TRPM6: variants seen among roughly 807,000 people sequenced by gnomAD.
TRPM6 encodes transient receptor potential cation channel subfamily M member 6.
In TRPM6, 111 loss-of-function variants were observed where a neutral mutation model predicts 247.6. The ratio of observed to expected loss-of-function variants is 0.45; its 90% CI spans 0.38 to 0.52. The LOEUF (loss-of-function observed/expected upper bound fraction) is 0.52, where lower values mean the gene tolerates loss of function less well. Ranked by LOEUF, TRPM6 falls within the 20% of genes least tolerant of loss-of-function variation. TRPM6 has a pLI of 0.00. For synonymous variants in TRPM6, 892 were observed against 853.8 expected (o/e 1.04, Z -0.78); for missense variants, 2,126 against 2,421.5 (o/e 0.88, Z 2.56).
At chr9:74,745,469 G>A (rs1826012293) in intron 31 of TRPM6, among the ~76,000 whole-genome samples, 1 of 141,408 alleles carries the variant, frequency 7.1e-6, no homozygotes, top group Admixed American at 6.7e-5. Context: ...GTGCGTGTGT[G>A]TGTGTGTGTG....
At position 74,788,674 on chromosome 9, in the gene TRPM6, G is replaced by A. The variant is rs752528197; in HGVS notation, c.2607C>T (p.Ser869=). 27 of 1,613,926 alleles carry A rather than the reference G, an allele frequency of 1.7e-5. No individual in the cohort carries two copies. Among genetic ancestry groups the A allele is most frequent in the East Asian group, 2.2e-5 (1 of 44,882 alleles). ...AAATGCTAACAAGCCACTCCTGCAC[G>A]CTGGGCTGGGGCTGCATCTCCACCA... is the stretch of plus-strand genomic sequence containing the variant. ...TVLVEMQPQP[S]VQEWLVSIYI... is the part of the protein sequence containing the mutation. The change falls in exon 20 of 39, where the codon AGC becomes AGT. Residue 869 remains serine (S), a synonymous_variant. Transcript: ENST00000360774.
intron 1 of TRPM6, among the ~76,000 whole-genome samples, chr9:74,863,996 A>C (rs1830770030): frequency 6.6e-6 from 1 of 152,150 alleles, no homozygotes; most frequent in Admixed American, 6.5e-5. Context: ...ACCTTAAAAA[A>C]AATCTATCAT....
At chr9:74,883,533 T>C (rs1369849763) in intron 1 of TRPM6, among the ~76,000 whole-genome samples, 3 of 152,184 alleles carry the variant, frequency 2.0e-5, no homozygotes, top group African/African-American at 7.2e-5. Flanking sequence ...ACTCGGTCAG[T>C]ATTTGTGACT....
At chr9:74,728,125 A>G (rs1043477846) in intron 38 of TRPM6, 114 bp downstream of exon 38, 11 of 858,044 alleles carry the variant, frequency 1.3e-5, no homozygotes, top group Admixed American at 4.0e-5. Context: ...GGCTCTGCGA[A>G]TGACGGTGAA....
intron 6 of TRPM6, among the ~76,000 whole-genome samples, chr9:74,832,948 G>T (rs1392349037): frequency 6.6e-6 from 1 of 152,098 alleles, no homozygotes; most frequent in East Asian, 1.9e-4. Flanking sequence ...CTACTTGGGA[G>T]GCTAAGGCAA....
At chr9:74,813,675 C>A (rs184481911) in intron 11 of TRPM6, among the ~76,000 whole-genome samples, 1 of 152,070 alleles carries the variant, frequency 6.6e-6, no homozygotes, top group African/African-American at 2.4e-5. Context: ...GTTTTTTATC[C>A]GCTACACTTA....
chr9:74,887,848 T>C lies in TRPM6; in HGVS notation c.9A>G (p.Glu3=). MK[E]QPVLERLQSQ... ...CCTGCAAGCGCTCCAAGACAGGTTGTTCTTTCATCTTTGATTTGCAGGCCC... is the reference window on the plus strand; with the variant it reads ...CCTGCAAGCGCTCCAAGACAGGTTGCTCTTTCATCTTTGATTTGCAGGCCC... The change falls in exon 1 of 39, where the codon GAA becomes GAG. Residue 3 remains glutamate (E), a synonymous_variant. Coordinates refer to ENST00000360774, the MANE Select transcript of TRPM6 (RefSeq NM_017662.5). 6.2e-7 allele frequency: 1 copy of C among 1,614,136 alleles called. No homozygotes were observed. The highest frequency in any genetic ancestry group is 8.5e-7 in the Non-Finnish European group (1 of 1,180,022).
chr9:74,878,526 T>G (rs1046954603), intron 1 of TRPM6, among the ~76,000 whole-genome samples: 2 of 152,208 alleles, frequency 1.3e-5, no homozygotes, highest in African/African-American at 4.8e-5. Flanking sequence ...ACACTGTTTA[T>G]AGCTGAAGAA....
chr9:74,813,719 A>G (rs1220652418), intron 11 of TRPM6, among the ~76,000 whole-genome samples: 1 of 152,230 alleles, frequency 6.6e-6, no homozygotes, highest in Admixed American at 6.5e-5. Flanking sequence ...ATCAAAAAAC[A>G]TCAACTAGCA....
intron 11 of TRPM6, among the ~76,000 whole-genome samples, chr9:74,813,129 T>G (rs1401387643): frequency 6.6e-6 from 1 of 152,232 alleles, no homozygotes; most frequent in Admixed American, 6.5e-5. Flanking sequence ...AGACTCTACC[T>G]GGCTTCTAGG....
At chr9:74,860,088 A>G (rs1830649752) in intron 1 of TRPM6, among the ~76,000 whole-genome samples, 3 of 152,198 alleles carry the variant, frequency 2.0e-5, no homozygotes. Flanking sequence ...GGAAGTCCAG[A>G]CTTTTTTAAG....
intron 7 of TRPM6, among the ~76,000 whole-genome samples, chr9:74,827,477 G>A (rs182777340): frequency 5.9e-5 from 9 of 152,150 alleles, no homozygotes; most frequent in East Asian, 2.0e-4. Context: ...ACCCACAGCC[G>A]GAAGAACACA....
intron 33 of TRPM6, among the ~76,000 whole-genome samples, chr9:74,741,569 G>A (rs972060119): frequency 1.3e-5 from 2 of 152,002 alleles, no homozygotes; most frequent in East Asian, 1.9e-4. Context: ...CCAGCCATGG[G>A]GCCAAATGGA....
At chr9:74,849,300 G>A (rs1175315342) in intron 3 of TRPM6, among the ~76,000 whole-genome samples, 1 of 145,234 alleles carries the variant, frequency 6.9e-6, no homozygotes, top group African/African-American at 2.6e-5. Context: ...GCAGTGAACT[G>A]AGATTGCACC....
chr9:74,876,438 T>A (rs190346842), intron 1 of TRPM6, among the ~76,000 whole-genome samples: 12 of 152,344 alleles, frequency 7.9e-5, no homozygotes, highest in African/African-American at 2.9e-4. Flanking sequence ...TGCAAAACAT[T>A]TTGTTTATTA....
chr9:74,810,719 C>G, intron 13 of TRPM6, 96 bp downstream of exon 13: 1 of 1,083,672 alleles, frequency 9.2e-7, no homozygotes, highest in Non-Finnish European at 1.4e-6. Context: ...CAAAACAATC[C>G]AAATCTGCAT....
At chr9:74,867,614 A>G (rs891684929) in intron 1 of TRPM6, among the ~76,000 whole-genome samples, 2 of 152,180 alleles carry the variant, frequency 1.3e-5, no homozygotes, top group African/African-American at 2.4e-5. Flanking sequence ...TTTGGAATGC[A>G]TTCAATTTCT....
At chr9:74,761,966 T>A in intron 26 of TRPM6, 33 bp downstream of exon 26, 1 of 1,605,372 alleles carries the variant, frequency 6.2e-7, no homozygotes, top group Non-Finnish European at 8.5e-7. Context: ...TGCAAAGGAC[T>A]TAATGCTGAT....
At chr9:74,804,186 A>G (rs986959885) in intron 14 of TRPM6, among the ~76,000 whole-genome samples, 1 of 152,200 alleles carries the variant, frequency 6.6e-6, no homozygotes, top group Non-Finnish European at 1.5e-5. Context: ...TGGAAATTCC[A>G]TTAGAATGAA....
Sources: allele counts gnomAD v4.1 joint callset (sites outside exome capture counted in the v4.1 genomes callset), GRCh38; gene constraint gnomAD v4.1.1; transcripts MANE v1.5; gene names NCBI Gene and HGNC (gene_info 2026-07-23, HGNC 2026-07-21).